The following NR6A1 variants were observed in gnomAD, a reference collection of about 807,000 sequenced individuals.
NR6A1 encodes retinoic acid receptor-related testis-associated receptor.
In NR6A1, 7 loss-of-function variants were observed where a neutral mutation model predicts 59.1. That is an observed-to-expected ratio of 0.12 (90% CI 0.07 to 0.22). The LOEUF (loss-of-function observed/expected upper bound fraction) is 0.22, where lower values mean the gene tolerates loss of function less well. NR6A1 is among the 10% of genes least tolerant of loss of function. NR6A1 has a pLI of 1.00. For synonymous variants in NR6A1, 243 were observed against 236.1 expected, an observed-to-expected ratio of 1.03 and a Z score of -0.27; for missense variants, 468 against 611.6, an observed-to-expected ratio of 0.77 and a Z score of 2.48.
intron 2 of NR6A1, among the ~76,000 whole-genome samples, chr9:124,644,013 G>C (rs1252925413): frequency 6.6e-6 from 1 of 152,056 alleles, no homozygotes; most frequent in Non-Finnish European, 1.5e-5. Context: ...CGATTCTCCA[G>C]CTTCAACCTC....
At chr9:124,576,949 G>T (rs904523398) in intron 2 of NR6A1, among the ~76,000 whole-genome samples, 1 of 152,128 alleles carries the variant, frequency 6.6e-6, no homozygotes, top group Admixed American at 6.5e-5. Flanking sequence ...CCAGGTACTC[G>T]AGAGGCTGAG....
rs562413790 is a variant in NR6A1, at chr9:124,548,450, G to T, written c.386-4593C>A. Among the ~76,000 whole-genome samples, 4 of 152,168 alleles carry T rather than the reference G, an allele frequency of 2.6e-5. No individual in the cohort carries two copies. In the South Asian group the frequency reaches 8.3e-4, roughly 32 times the overall value. On this transcript the variant is annotated intron_variant, in intron 3 of 9. Transcript: ENST00000487099. ...TTGATCCTCAGTTCAAGAGCTGCCT[G>T]GGCAACATGCTGAAAACTTGTCTCT... is the stretch of plus-strand genomic sequence containing the variant.
chr9:124,640,939 T>C (rs1034924489), intron 2 of NR6A1, among the ~76,000 whole-genome samples: 1 of 152,174 alleles, frequency 6.6e-6, no homozygotes, highest in African/African-American at 2.4e-5. Flanking sequence ...GCAGTCCCTA[T>C]AGACAAGCTA....
At chr9:124,761,611 G>C (rs1840787093) in intron 1 of NR6A1, among the ~76,000 whole-genome samples, 1 of 152,148 alleles carries the variant, frequency 6.6e-6, no homozygotes, top group South Asian at 2.1e-4. Flanking sequence ...CAGGTTAAAA[G>C]CAAACCAATT....
intron 3 of NR6A1, among the ~76,000 whole-genome samples, chr9:124,549,362 G>C (rs2131374639): frequency 6.6e-6 from 1 of 152,336 alleles, no homozygotes; most frequent in Middle Eastern, 3.4e-3. Context: ...GAAGGAAAGG[G>C]ATCAGGTGGC....
chr9:124,609,212 C>T (rs924847997), intron 2 of NR6A1, among the ~76,000 whole-genome samples: 6 of 152,078 alleles, frequency 3.9e-5, no homozygotes, highest in African/African-American at 1.2e-4. Context: ...GTCCTGCCTA[C>T]GTTTTCACCT....
chr9:124,669,207 G>C (rs1350948477), intron 2 of NR6A1, among the ~76,000 whole-genome samples: 1 of 152,098 alleles, frequency 6.6e-6, no homozygotes, highest in Non-Finnish European at 1.5e-5. Context: ...CGAAAACACT[G>C]TTCATAAATT....
intron 2 of NR6A1, among the ~76,000 whole-genome samples, chr9:124,703,716 T>C (rs182912661): frequency 1.3e-5 from 2 of 152,378 alleles, no homozygotes; most frequent in African/African-American, 4.8e-5. Flanking sequence ...TTCCCTGTGG[T>C]ATCCTTGTTG....
At chr9:124,681,380 C>CA (rs1284359969) in intron 2 of NR6A1, among the ~76,000 whole-genome samples, 1 of 129,356 alleles carries the variant, frequency 7.7e-6, no homozygotes, top group Non-Finnish European at 1.6e-5. Flanking sequence ...CTCACTCTGT[C>CA]ACCCAGGCTG....
intron 2 of NR6A1, among the ~76,000 whole-genome samples, chr9:124,725,675 G>A (rs1353651772): frequency 2.0e-5 from 3 of 152,174 alleles, no homozygotes; most frequent in Non-Finnish European, 4.4e-5. Flanking sequence ...GCGGGGCTCG[G>A]CCTGGTAATC....
chr9:124,524,742 G>T lies in NR6A1; in HGVS notation c.1333C>A (p.Pro445Thr), dbSNP rs888398509. The change falls in exon 9 of 10, where the codon CCT (proline) becomes ACT (threonine). Residue 445 changes from proline (P) to threonine (T), a missense_variant. Pro to Thr is a conservative substitution (Grantham distance 38). Around this residue, in one of 4 missense-constraint regions of NR6A1, gnomAD observed 176 missense variants for 264.0 expected, o/e 0.67. Transcript: ENST00000487099. ...TTACCTGCAATATATCGAATCTCAG[G>T]TAAGCACATCATGAGATCAGGAAAG... is the stretch of plus-strand genomic sequence containing the variant. ...NRFPDLMMCL[P>T]EIRYIAGKMV... 6.2e-7 allele frequency: 1 copy of T among 1,613,628 alleles called. No individual in the cohort carries two copies. The highest frequency in any genetic ancestry group is 1.3e-5 in the African/African-American group (1 of 74,880).
chr9:124,667,668 G>A (rs7019529), intron 2 of NR6A1, among the ~76,000 whole-genome samples: 2,977 of 152,204 alleles, frequency 0.02, 86 homozygotes, highest in African/African-American at 0.067. Flanking sequence ...TCCTACCACA[G>A]CCATCAAGAA....
chr9:124,595,720 T>A (rs1459948526), intron 2 of NR6A1: 1 of 1,184,384 alleles, frequency 8.4e-7, no homozygotes, highest in Admixed American at 2.3e-5. Flanking sequence ...TTTCTAACCC[T>A]TAGATTTGGG....
intron 2 of NR6A1, among the ~76,000 whole-genome samples, chr9:124,589,684 TAC>T (rs1171705569): frequency 1.3e-5 from 2 of 152,174 alleles, no homozygotes; most frequent in Non-Finnish European, 2.9e-5. Flanking sequence ...ATCTAAAACA[TAC>T]ATTTTCTTGT....
chr9:124,696,407 C>G (rs1838762861), intron 2 of NR6A1, among the ~76,000 whole-genome samples: 1 of 152,136 alleles, frequency 6.6e-6, no homozygotes, highest in African/African-American at 2.4e-5. Flanking sequence ...CTGGCTGACC[C>G]CCTTCCATCA....
chr9:124,593,794 G>GCTCT (rs199586860), intron 2 of NR6A1, among the ~76,000 whole-genome samples: 2 of 150,522 alleles, frequency 1.3e-5, no homozygotes, highest in African/African-American at 4.9e-5. Flanking sequence ...CTCTCTTACG[G>GCTCT]CTCTCTCTCT....
At chr9:124,611,619 C>T (rs1196639674) in intron 2 of NR6A1, among the ~76,000 whole-genome samples, 1 of 151,978 alleles carries the variant, frequency 6.6e-6, no homozygotes, top group African/African-American at 2.4e-5. Context: ...CATGGTGGCA[C>T]ATGCCTGTAA....
At chr9:124,655,033 C>T (rs1837217856) in intron 2 of NR6A1, among the ~76,000 whole-genome samples, 1 of 152,070 alleles carries the variant, frequency 6.6e-6, no homozygotes. Context: ...ACAGAAGAGC[C>T]TTTGCCAACT....
chr9:124,601,672 G>A (rs1333857994), intron 2 of NR6A1, among the ~76,000 whole-genome samples: 2 of 151,216 alleles, frequency 1.3e-5, no homozygotes, highest in African/African-American at 2.4e-5. Context: ...TATAGAGTAT[G>A]CTTACATAGG....
Sources: allele counts gnomAD v4.1 joint callset (sites outside exome capture counted in the v4.1 genomes callset), GRCh38; gene constraint gnomAD v4.1.1; regional missense constraint gnomAD v4.1.1; transcripts MANE v1.5; gene names NCBI Gene and HGNC (gene_info 2026-07-23, HGNC 2026-07-21).